Variants in DMD observed in about 807,000 individuals in gnomAD.
DMD encodes dystrophin, also known as mutant dystrophin.
A neutral mutation model predicts 330.1 loss-of-function variants in DMD; 63 were observed. That is an observed-to-expected ratio of 0.19 (90% CI 0.16 to 0.24). The LOEUF is 0.24. Among genes scored for constraint, DMD ranks in the 10% least tolerant of loss-of-function variants. The probability of loss-of-function intolerance (pLI) is 1.00; values close to 1 mark genes in which losing one functional copy is unlikely to be tolerated. For synonymous variants in DMD, 1,223 were observed against 959.8 expected (o/e 1.27, Z -5.07); for missense variants, 3,344 against 2,684.1 (o/e 1.25, Z -5.43).
intron 16 of DMD, among the ~76,000 whole-genome samples, chrX:32,554,973 GAGAGAGAGAGAA>G (rs1190564555): frequency 1.9e-5 from 2 of 104,900 alleles, no homozygotes; most frequent in Non-Finnish European, 3.9e-5. Context: ...GAAAGAGAGA[GAGAGAGAGAGAA>G]AGAAAGAGAG....
chrX:31,830,837 T>G (rs1279363681), intron 49 of DMD, among the ~76,000 whole-genome samples: 1 of 111,367 alleles, frequency 9.0e-6, no homozygotes, highest in African/African-American at 3.3e-5. Context: ...ATGGCCGTGT[T>G]TGAAACAAGA....
chrX:32,725,765 T>C (rs1469407539), intron 7 of DMD, among the ~76,000 whole-genome samples: 1 of 111,012 alleles, frequency 9.0e-6, no homozygotes, highest in Non-Finnish European at 1.9e-5. Flanking sequence ...TAAAACATAG[T>C]ATTTGCGAGC....
At chrX:32,592,951 G>A (rs769168795) in intron 13 of DMD, among the ~76,000 whole-genome samples, 10 of 113,177 alleles carry the variant, frequency 8.8e-5, no homozygotes, top group African/African-American at 1.9e-4. Flanking sequence ...ACTGGTGCCT[G>A]TAGCTGCCTT....
At chrX:32,702,151 C>T (rs913798038) in intron 7 of DMD, among the ~76,000 whole-genome samples, 1 of 112,046 alleles carries the variant, frequency 8.9e-6, no homozygotes, top group East Asian at 2.8e-4. Context: ...TTCATGAATT[C>T]TGCTTCTAAT....
At chrX:32,407,751 T>G (rs1456515168) in intron 30 of DMD, among the ~76,000 whole-genome samples, 1 of 109,909 alleles carries the variant, frequency 9.1e-6, no homozygotes, top group African/African-American at 3.3e-5. Flanking sequence ...ACAATGGATT[T>G]AGAAAATGTG....
chrX:32,121,560 G>A (rs1230725463), intron 44 of DMD, among the ~76,000 whole-genome samples: 2 of 98,006 alleles, frequency 2.0e-5, no homozygotes, highest in African/African-American at 7.5e-5. Flanking sequence ...TCGATTAAGT[G>A]GCTAAATAAC....
chrX:31,781,289 C>T (rs1603465216), intron 50 of DMD, among the ~76,000 whole-genome samples: 1 of 112,341 alleles, frequency 8.9e-6, no homozygotes, highest in African/African-American at 3.2e-5. Flanking sequence ...TGCTTAACCA[C>T]TGCACATATT....
chrX:32,730,000 T>A (rs2067362308), intron 7 of DMD, among the ~76,000 whole-genome samples: 1 of 111,813 alleles, frequency 8.9e-6, no homozygotes, highest in African/African-American at 3.3e-5. Flanking sequence ...GTCATGTTTT[T>A]GGCTTTGGGA....
chrX:31,357,722 G>A (rs1395257022), intron 60 of DMD, among the ~76,000 whole-genome samples: 3 of 111,132 alleles, frequency 2.7e-5, no homozygotes, highest in Admixed American at 1.9e-4. Flanking sequence ...AAGCTTGTCC[G>A]CCAGAAGACC....
At chrX:33,135,092 A>C (rs756614664) in intron 1 of DMD, among the ~76,000 whole-genome samples, 25 of 112,130 alleles carry the variant, frequency 2.2e-4, no homozygotes, top group African/African-American at 7.8e-4. Flanking sequence ...TTGATAAGAT[A>C]GTTTCCATCC....
Position 32,792,392 on chromosome X carries a change from G to T in DMD, c.649+17101C>A, listed in dbSNP as rs1446772001. ...AATACCATCACACTATAATGATAATGAGGGAAAAAAATGAAGAAAAAATAT... is the reference window on the plus strand; with the variant it reads ...AATACCATCACACTATAATGATAATTAGGGAAAAAAATGAAGAAAAAATAT... On this transcript the variant is annotated intron_variant, in intron 7 of 78. Coordinates refer to ENST00000357033, the MANE Select transcript of DMD (RefSeq NM_004006.3). 3.6e-5 allele frequency among the ~76,000 whole-genome samples: 4 copies of T among 111,294 alleles called. No homozygotes were observed. In the East Asian group the frequency reaches 1.1e-3, roughly 31 times the overall value.
intron 30 of DMD, among the ~76,000 whole-genome samples, chrX:32,399,263 C>G (rs1320573033): frequency 4.5e-5 from 5 of 111,427 alleles, no homozygotes; most frequent in African/African-American, 1.6e-4. Context: ...AAATCTTCTT[C>G]ACAACAAAGC....
At chrX:32,006,933 T>C (rs1385115473) in intron 44 of DMD, among the ~76,000 whole-genome samples, 2 of 107,254 alleles carry the variant, frequency 1.9e-5, no homozygotes, top group African/African-American at 3.4e-5. Context: ...ATGGATGAAA[T>C]TGGAAATCAT....
At chrX:31,305,757 C>G (rs1006672077) in intron 62 of DMD, among the ~76,000 whole-genome samples, 17 of 112,514 alleles carry the variant, frequency 1.5e-4, no homozygotes, top group African/African-American at 5.2e-4. Flanking sequence ...CAAACTTCAC[C>G]TAGGCTTTGA....
intron 45 of DMD, among the ~76,000 whole-genome samples, chrX:31,959,505 T>G (rs2095279302): frequency 8.9e-6 from 1 of 111,950 alleles, no homozygotes; most frequent in Non-Finnish European, 1.9e-5. Flanking sequence ...AAGTGGTCAC[T>G]CATTTACTTC....
intron 18 of DMD, among the ~76,000 whole-genome samples, chrX:32,508,148 G>A (rs909193639): frequency 1.2e-4 from 13 of 110,897 alleles, no homozygotes; most frequent in Non-Finnish European, 3.8e-5. Context: ...ACAGTCTATA[G>A]GCTGATTACC....
At chrX:31,698,247 T>C (rs1158754221) in intron 52 of DMD, among the ~76,000 whole-genome samples, 1 of 111,572 alleles carries the variant, frequency 9.0e-6, no homozygotes, top group Non-Finnish European at 1.9e-5. Context: ...CATGACTAAC[T>C]GTGGGCAACT....
intron 2 of DMD, among the ~76,000 whole-genome samples, chrX:32,908,312 A>G (rs1299096744): frequency 8.9e-6 from 1 of 112,100 alleles, no homozygotes; most frequent in Non-Finnish European, 1.9e-5. Context: ...CATGGGAAAT[A>G]TCAGCCATCA....
chrX:32,015,375 CGAGCAT>C (rs1487094671), intron 44 of DMD, among the ~76,000 whole-genome samples: 1 of 111,171 alleles, frequency 9.0e-6, no homozygotes, highest in Non-Finnish European at 1.9e-5. Context: ...CAGGTGATGC[CGAGCAT>C]GATGGCCTGT....
Sources: allele counts gnomAD v4.1 joint callset (sites outside exome capture counted in the v4.1 genomes callset), GRCh38; gene constraint gnomAD v4.1.1; transcripts MANE v1.5; gene names NCBI Gene and HGNC (gene_info 2026-07-23, HGNC 2026-07-21).